AIRE: variants seen among roughly 807,000 people sequenced by gnomAD.
The protein encoded by AIRE is autoimmune polyendocrinopathy candidiasis ectodermal dystrophy protein.
Under a neutral mutation model 62.1 loss-of-function variants are expected in AIRE, and 52 were observed. The ratio of observed to expected loss-of-function variants is 0.84; its 90% CI spans 0.67 to 1.06. The LOEUF is 1.06. Ranked by LOEUF, AIRE falls within the 50% of genes least tolerant of loss-of-function variation. The probability of loss-of-function intolerance (pLI) is 0.00; values close to 1 mark genes in which losing one functional copy is unlikely to be tolerated. For synonymous variants in AIRE, 342 were observed against 321.6 expected, an observed-to-expected ratio of 1.06 and a Z score of -0.68; for missense variants, 774 against 755.8, an observed-to-expected ratio of 1.02 and a Z score of -0.28.
intron 7 of AIRE, chr21:44,290,606 A>G: frequency 1.1e-6 from 1 of 948,278 alleles, no homozygotes; most frequent in Non-Finnish European, 1.4e-6. Context: ...GAGTGAGGTC[A>G]TTGCCGTGCA....
rs41277550 is a variant in AIRE, at chr21:44,289,802, C to T, written c.798C>T (p.Pro266=). The change falls in exon 6 of 14, where the codon CCC becomes CCT. Residue 266 remains proline (P), a splice_region_variant and synonymous_variant. Coordinates refer to ENST00000291582, the MANE Select transcript of AIRE (RefSeq NM_000383.4). The part of the protein sequence containing the change: ...VRAKGAQGAA[P]GGGEARLGQQ... Reference sequence around the variant, plus strand: ...CCAAGGGAGCCCAGGGCGCTGCCCCCGTAAGCACCTGACCTTCCCTGGGGA... The same window carrying T: ...CCAAGGGAGCCCAGGGCGCTGCCCCTGTAAGCACCTGACCTTCCCTGGGGA... The T allele has an allele frequency of 1.6e-4, 254 of 1,612,568 alleles. 1 individual carries two copies. The African/African-American group carries it at 2.7e-3, about 17-fold the overall frequency.
chr21:44,290,169 G>A lies in AIRE; in HGVS notation c.879+101G>A, dbSNP rs2075877. On this transcript the variant is annotated intron_variant, in intron 7 of 13. Transcript: ENST00000291582. ...ACCTGGGCACTCAGGGATGAGCACC[G>A]GGGCCTGAGCCCCTACCCACAGGGT... 0.032 allele frequency: 49,890 copies of A among 1,539,526 alleles called. 3,462 individuals carry two copies. In the East Asian group the frequency reaches 0.36, roughly 11 times the overall value.
intron 12 of AIRE, among the ~76,000 whole-genome samples, chr21:44,295,433 G>A (rs547952171): frequency 1.2e-4 from 18 of 152,324 alleles, no homozygotes; most frequent in Admixed American, 3.9e-4. Flanking sequence ...GTGGCCCACA[G>A]CTGTCACTGT....
At position 44,287,205 on chromosome 21, in the gene AIRE, T is replaced by G. The variant is rs1181251276; in HGVS notation, c.463+72T>G. The G allele has an allele frequency of 1.3e-4, 202 of 1,574,608 alleles. No individual in the cohort carries two copies. Among genetic ancestry groups the G allele is most frequent in the Non-Finnish European group, 1.1e-4 (130 of 1,158,486 alleles). On this transcript the variant is annotated intron_variant, in intron 3 of 13. Transcript: ENST00000291582. This position sits in a 1 kb window ranked among gnomAD's most constrained non-coding sequence, Gnocchi z 4.3. ...GGCTTCCCCGGGAGCCCACGCCCCCTCCCCACCCGGGCTCCCACCCACTGG... is the reference window on the plus strand; with the variant it reads ...GGCTTCCCCGGGAGCCCACGCCCCCGCCCCACCCGGGCTCCCACCCACTGG...
Position 44,285,967 on chromosome 21 carries a change from C to T in AIRE, c.-40C>T. 1 of 1,517,566 alleles carries T rather than the reference C, an allele frequency of 6.6e-7. No homozygotes were observed. 94.0% of individuals were successfully genotyped at this position (1,517,566 alleles called of 1,614,324 possible). A position where few individuals can be genotyped will look rare whatever the true frequency, so the allele number is the denominator to read the frequency against. ...GAGGGGCTGCCAGTGTCCCGGGACCCACCGCGTCCGCCCCAGCCCCGGGTC... is the reference window on the plus strand; with the variant it reads ...GAGGGGCTGCCAGTGTCCCGGGACCTACCGCGTCCGCCCCAGCCCCGGGTC... On this transcript the variant is annotated 5_prime_UTR_variant, in exon 1 of 14. Transcript: ENST00000291582.
rs142441083 is a variant in AIRE, at chr21:44,289,326, G to A, written c.653-331G>A. 1,349 of 356,524 alleles carry A rather than the reference G, an allele frequency of 3.8e-3. 6 individuals are homozygous for A. The highest frequency in any genetic ancestry group is 6.6e-3 in the Admixed American group (154 of 23,244). The allele number at this position is 356,524 out of a possible 1,614,324, so 22.1% of individuals were successfully genotyped here. A position where few individuals can be genotyped will look rare whatever the true frequency, so the allele number is the denominator to read the frequency against. On this transcript the variant is annotated intron_variant, in intron 5 of 13. Coordinates refer to ENST00000291582, the MANE Select transcript of AIRE (RefSeq NM_000383.4). ...CTGTGGTCTCACAGCTGTCTCCCAC[G>A]TGTCCTCTTTATAAGGACACCAGTC...
intron 9 of AIRE, 39 bp downstream of exon 9, chr21:44,292,440 G>A (rs2040552351): frequency 4.2e-6 from 6 of 1,428,864 alleles, no homozygotes; most frequent in African/African-American, 1.4e-5. Context: ...CACCCCTCCT[G>A]TCCACATGGC....
At chr21:44,295,708 C>T (rs1205241777) in intron 12 of AIRE, among the ~76,000 whole-genome samples, 1 of 152,132 alleles carries the variant, frequency 6.6e-6, no homozygotes, top group Non-Finnish European at 1.5e-5. Flanking sequence ...CCCCTTCCTC[C>T]AGGGTGGTTG....
Position 44,298,200 on chromosome 21 carries a change from G to A in AIRE, c.*473G>A, listed in dbSNP as rs1033238807. 4 of 235,404 alleles carry A rather than the reference G, an allele frequency of 1.7e-5. No individual in the cohort carries two copies. Among genetic ancestry groups the A allele is most frequent in the Non-Finnish European group, 2.6e-5 (3 of 116,128 alleles). 14.6% of individuals were successfully genotyped at this position (235,404 alleles called of 1,614,324 possible). A position where few individuals can be genotyped will look rare whatever the true frequency, so the allele number is the denominator to read the frequency against. ...CATCTCGACCACTTTTCAGTTCAGT[G>A]GCATTCACATCTCATGTAACCATTG... is the stretch of plus-strand genomic sequence containing the variant. On this transcript the variant is annotated 3_prime_UTR_variant, in exon 14 of 14. Transcript: ENST00000291582.
At position 44,287,200 on chromosome 21, in the gene AIRE, C is replaced by G. The variant is rs2040491463; in HGVS notation, c.463+67C>G. The G allele has an allele frequency of 6.3e-6, 10 of 1,585,052 alleles. No homozygotes were observed. Among genetic ancestry groups the G allele is most frequent in the Middle Eastern group, 2.2e-4 (1 of 4,508 alleles). On this transcript the variant is annotated intron_variant, in intron 3 of 13. Transcript: ENST00000291582. The surrounding 1 kb of genome is among the most constrained non-coding windows in gnomAD (Gnocchi z 4.3). The stretch of plus-strand genomic sequence containing the variant: ...TCCCGGGCTTCCCCGGGAGCCCACG[C>G]CCCCTCCCCACCCGGGCTCCCACCC...
chr21:44,293,746 T>C (rs1239256191), intron 10 of AIRE, 43 bp from the exon 11 acceptor site: 1 of 1,594,380 alleles, frequency 6.3e-7, no homozygotes, highest in Non-Finnish European at 8.5e-7. Flanking sequence ...CAGCTACATT[T>C]CCCCCGGCCC....
Position 44,294,721 on chromosome 21 carries a change from C to T in AIRE, c.1503+218C>T, listed in dbSNP as rs184750175. 1.1e-3 allele frequency among the ~76,000 whole-genome samples: 161 copies of T among 152,330 alleles called. 1 individual carries two copies. Among genetic ancestry groups the T allele is most frequent in the African/African-American group, 3.6e-3 (148 of 41,562 alleles). On this transcript the variant is annotated intron_variant, in intron 12 of 13. Coordinates refer to ENST00000291582, the MANE Select transcript of AIRE (RefSeq NM_000383.4). ...ATATAGTTAAAAAGGAAGCTCCCCC[C>T]GAGGGTTGGTGGCTGACGTCACGGT...
chr21:44,290,151 C>T, intron 7 of AIRE, 83 bp downstream of exon 7: 1 of 1,544,282 alleles, frequency 6.5e-7, no homozygotes, highest in Non-Finnish European at 8.8e-7. Context: ...TTTACCTGGG[C>T]ACTCAGGGAT....
chr21:44,291,984 T>C (rs2741985), intron 8 of AIRE, among the ~76,000 whole-genome samples: 74,337 of 152,090 alleles, frequency 0.49, 19,968 homozygotes, highest in African/African-American at 0.72. Context: ...GGTGGGTCAG[T>C]TTAGGGAGGC....
At chr21:44,290,332 C>T (rs1444703748) in intron 7 of AIRE, 1 of 985,364 alleles carries the variant, frequency 1.0e-6, no homozygotes, top group African/African-American at 1.7e-5. Context: ...CCGCTGCTCT[C>T]AGCTGGGCCC....
Position 44,287,658 on chromosome 21 carries a change from C to G in AIRE, c.538+67C>G, listed in dbSNP as rs999667531. 1.4e-6 allele frequency: 2 copies of G among 1,457,226 alleles called. No individual in the cohort carries two copies. The highest frequency in any genetic ancestry group is 1.9e-6 in the Non-Finnish European group (2 of 1,064,172). 90.3% of individuals were successfully genotyped at this position (1,457,226 alleles called of 1,614,324 possible). ...AGGGGCAAGGGGTCAGGGGTCAGAG[C>G]AGGGCCTGCCCTCTGAGACCCTGTC... On this transcript the variant is annotated intron_variant, in intron 4 of 13. Coordinates refer to ENST00000291582, the MANE Select transcript of AIRE (RefSeq NM_000383.4). The surrounding 1 kb of genome is among the most constrained non-coding windows in gnomAD (Gnocchi z 4.3).
rs2146388059 is a variant in AIRE, at chr21:44,296,392, G to C, written c.1513G>C (p.Ala505Pro). Residue 505 changes from alanine (A) to proline (P), a missense_variant, in exon 13 of 14, where the codon GCC (alanine) becomes CCC (proline). Transcript: ENST00000291582. ...LAPGPAKDDT[A>P]SHEPALHRDD... ...CTTTACTGGGTTCCAGGATGACACT[G>C]CCAGTCACGAGCCCGCTCTGCACAG... 2 of 1,612,384 alleles carry C rather than the reference G, an allele frequency of 1.2e-6. No individual in the cohort carries two copies. The highest frequency in any genetic ancestry group is 4.5e-5 in the East Asian group (2 of 44,866).
At chr21:44,296,332 CCACCAGGG>C in intron 12 of AIRE, 43 bp from the exon 13 acceptor site, 1 of 1,538,634 alleles carries the variant, frequency 6.5e-7, no homozygotes, top group Non-Finnish European at 9.0e-7. Flanking sequence ...CTCTGTACCC[CCACCAGGG>C]CTGTGGGAGT....
At position 44,297,619 on chromosome 21, in the gene AIRE, C is replaced by T. The variant is rs772472845; in HGVS notation, c.1567-37C>T. ...CATGATTCTGTGGCTGCGGCGGGGG[C>T]GCACCTGGAGGTTCTCACCGTCACT... On this transcript the variant is annotated intron_variant, in intron 13 of 13. Coordinates refer to ENST00000291582, the MANE Select transcript of AIRE (RefSeq NM_000383.4). This position sits in a 1 kb window ranked among gnomAD's most constrained non-coding sequence, Gnocchi z 4.8. 9.1e-6 allele frequency: 14 copies of T among 1,543,930 alleles called. No homozygotes were observed. Among genetic ancestry groups the T allele is most frequent in the East Asian group, 2.3e-5 (1 of 43,700 alleles).
Sources: gnomAD v4.1 joint callset for allele counts (sites outside exome capture counted in the v4.1 genomes callset) on GRCh38, gnomAD v4.1.1 for gene constraint, Gnocchi (gnomAD v3.1) non-coding constraint, MANE v1.5 for transcripts, NCBI Gene and HGNC (gene_info 2026-07-23, HGNC 2026-07-21) for gene names.